The following STK17A variants were observed in gnomAD, a reference collection of about 807,000 sequenced individuals.
The protein encoded by STK17A is serine/threonine-protein kinase 17A.
A neutral mutation model predicts 43.7 loss-of-function variants in STK17A; 26 were observed. The ratio of observed to expected loss-of-function variants is 0.60; its 90% CI spans 0.44 to 0.83. The LOEUF (loss-of-function observed/expected upper bound fraction) is 0.83, where lower values mean the gene tolerates loss of function less well. Among genes scored for constraint, STK17A ranks in the 40% least tolerant of loss-of-function variants. STK17A has a pLI of 0.00. For missense variants in STK17A, 476 were observed against 511.6 expected, an observed-to-expected ratio of 0.93 and a Z score of 0.67; for synonymous variants, 191 against 182.5, an observed-to-expected ratio of 1.05 and a Z score of -0.38.
chr7:43,596,175 C>A, intron 2 of STK17A, 62 bp downstream of exon 2: 1 of 1,458,710 alleles, frequency 6.9e-7, no homozygotes, highest in Non-Finnish European at 9.3e-7. Flanking sequence ...TACGGAATGC[C>A]ACTCATCTGT....
chr7:43,607,956 C>A (rs894857199), intron 2 of STK17A, among the ~76,000 whole-genome samples: 1 of 152,068 alleles, frequency 6.6e-6, no homozygotes, highest in Non-Finnish European at 1.5e-5. Flanking sequence ...CAGCCTATAC[C>A]GTGTTTTGAT....
intron 2 of STK17A, among the ~76,000 whole-genome samples, chr7:43,606,528 A>G (rs961841370): frequency 1.3e-5 from 2 of 152,232 alleles, no homozygotes; most frequent in Admixed American, 1.3e-4. Context: ...TTTTTGTACA[A>G]AACTTTTTTT....
chr7:43,600,546 A>G (rs1447466850), intron 2 of STK17A, among the ~76,000 whole-genome samples: 1 of 152,220 alleles, frequency 6.6e-6, no homozygotes, highest in South Asian at 2.1e-4. Flanking sequence ...GCCTATATAC[A>G]GATGAAAATA....
rs149915695 is a variant in STK17A at position 43,619,693 on chromosome 7, C to T, written c.661C>T (p.Arg221Ter). 41 of 1,613,650 alleles carry T rather than the reference C, an allele frequency of 2.5e-5. No individual in the cohort carries two copies. Among genetic ancestry groups the T allele is most frequent in the Admixed American group, 8.3e-5 (5 of 59,972 alleles). Residue 221 changes from arginine to a stop codon, truncating the protein, a stop_gained, in exon 4 of 7, where the codon CGA becomes TGA. Transcript: ENST00000319357. LOFTEE classifies it high-confidence loss of function. ...SRILKNSEELREIMGTPEYVA... is the reference protein window; with the variant it reads ...SRILKNSEEL ...AATATTGAAGAACAGTGAAGAGCTC[C>T]GAGAAATTATGGGTACCCCTGAATA...
intron 2 of STK17A, 106 bp from the exon 3 acceptor site, chr7:43,608,150 G>A: frequency 1.8e-6 from 2 of 1,097,128 alleles, no homozygotes; most frequent in Middle Eastern, 2.1e-4. Context: ...TTTTAAAAAA[G>A]GTATACAGTT....
At chr7:43,596,203 TGGTTCTCTGG>T in intron 2 of STK17A, 90 bp downstream of exon 2, 3 of 1,192,144 alleles carry the variant, frequency 2.5e-6, no homozygotes, top group Non-Finnish European at 3.4e-6. Context: ...TTGCCAGGCC[TGGTTCTCTGG>T]AAATCTCAGA....
chr7:43,589,347 G>A (rs2082464153), intron 1 of STK17A, among the ~76,000 whole-genome samples: 1 of 151,128 alleles, frequency 6.6e-6, no homozygotes, highest in African/African-American at 2.4e-5. Context: ...ATATAATAAA[G>A]GTATAAACAA....
intron 2 of STK17A, among the ~76,000 whole-genome samples, chr7:43,601,924 A>G (rs946602739): frequency 6.6e-6 from 1 of 151,896 alleles, no homozygotes; most frequent in Non-Finnish European, 1.5e-5. Context: ...CCCTGAGCTA[A>G]TCAATATCTT....
intron 1 of STK17A, among the ~76,000 whole-genome samples, chr7:43,587,154 GTTTTTT>G (rs71011929): frequency 8.9e-6 from 1 of 112,096 alleles, no homozygotes; most frequent in African/African-American, 3.2e-5. Flanking sequence ...ATTGTTTTTT[GTTTTTT>G]TTTTTTTTTT....
At position 43,611,704 on chromosome 7, in the gene STK17A, C is replaced by T. The variant is rs568090898; in HGVS notation, c.564+3304C>T. On this transcript the variant is annotated intron_variant, in intron 3 of 6. Transcript: ENST00000319357. The stretch of plus-strand genomic sequence containing the variant: ...AAGTATTAGCCATGCAGAGGAATTC[C>T]CAAAATAAATGTTTATGCTGTAGCT... Among the ~76,000 whole-genome samples the T allele has an allele frequency of 2.0e-5, 3 of 152,214 alleles. No individual in the cohort carries two copies. The South Asian group carries it at 6.2e-4, about 32-fold the overall frequency.
intron 1 of STK17A, among the ~76,000 whole-genome samples, chr7:43,586,773 AT>A (rs1329765880): frequency 1.3e-5 from 2 of 151,626 alleles, no homozygotes. Context: ...TAAGAAAAAA[AT>A]ATTTTAAGCC....
chr7:43,597,563 T>A (rs2082526205), intron 2 of STK17A, among the ~76,000 whole-genome samples: 1 of 151,996 alleles, frequency 6.6e-6, no homozygotes, highest in African/African-American at 2.4e-5. Context: ...TTTTTTGTAT[T>A]TTTTTTAGAG....
intron 2 of STK17A, among the ~76,000 whole-genome samples, chr7:43,597,336 A>G (rs2082523482): frequency 6.6e-6 from 1 of 152,152 alleles, no homozygotes; most frequent in Admixed American, 6.5e-5. Flanking sequence ...AAATTCTGTA[A>G]AAGACATTTA....
intron 3 of STK17A, among the ~76,000 whole-genome samples, chr7:43,612,442 T>C (rs2082962215): frequency 6.6e-6 from 1 of 152,262 alleles, no homozygotes; most frequent in South Asian, 2.1e-4. Flanking sequence ...TAATGTTGAC[T>C]CTTGGTCTCT....
At chr7:43,598,938 T>C (rs1305231558) in intron 2 of STK17A, among the ~76,000 whole-genome samples, 1 of 152,076 alleles carries the variant, frequency 6.6e-6, no homozygotes, top group East Asian at 1.9e-4. Flanking sequence ...AATTTTTTTG[T>C]AATTTTAGTA....
At chr7:43,602,969 A>G (rs2082565499) in intron 2 of STK17A, among the ~76,000 whole-genome samples, 1 of 152,040 alleles carries the variant, frequency 6.6e-6, no homozygotes, top group African/African-American at 2.4e-5. Flanking sequence ...TAGTATCCCC[A>G]TCTGTTTCAT....
intron 3 of STK17A, among the ~76,000 whole-genome samples, chr7:43,612,607 A>C (rs10264657): frequency 0.15 from 22,159 of 152,298 alleles, 2,182 homozygotes; most frequent in Non-Finnish European, 0.21. Context: ...ATGCTGGTTA[A>C]AATGGGAAAC....
intron 4 of STK17A, 54 bp from the exon 5 acceptor site, chr7:43,623,518 A>T: frequency 6.6e-7 from 1 of 1,514,714 alleles, no homozygotes; most frequent in South Asian, 1.2e-5. Context: ...TCTTAGAGCA[A>T]ATTAGGAATT....
intron 2 of STK17A, among the ~76,000 whole-genome samples, chr7:43,603,105 G>A (rs992808461): frequency 6.6e-6 from 1 of 152,038 alleles, no homozygotes; most frequent in Admixed American, 6.6e-5. Context: ...TGGTCACCCT[G>A]GTTTCAATCC....
Sources: gnomAD v4.1 joint callset for allele counts (sites outside exome capture counted in the v4.1 genomes callset) on GRCh38, gnomAD v4.1.1 for gene constraint, MANE v1.5 for transcripts, NCBI Gene and HGNC (gene_info 2026-07-23, HGNC 2026-07-21) for gene names.